PRDM5: variants seen among roughly 807,000 people sequenced by gnomAD.
PRDM5 encodes PR/SET domain 5.
PRDM5 carries 56 observed loss-of-function variants against 81.2 expected under a neutral mutation model. The ratio of observed to expected loss-of-function variants is 0.69; its 90% CI spans 0.56 to 0.86. PRDM5 has a LOEUF of 0.86. Among genes scored for constraint, PRDM5 ranks in the 40% least tolerant of loss-of-function variants. The pLI, the probability that PRDM5 is intolerant of heterozygous loss-of-function variation, is 0.00. For missense variants in PRDM5, 697 were observed against 770.1 expected (o/e 0.91, Z 1.12); for synonymous variants, 267 against 256.4 (o/e 1.04, Z -0.39).
chr4:120,779,933 C>A lies in PRDM5; in HGVS notation c.1443+1210G>T, dbSNP rs35006628. Among the ~76,000 whole-genome samples the A allele has an allele frequency of 3.9e-3, 588 of 149,656 alleles. 3 individuals are homozygous for A. The highest frequency in any genetic ancestry group is 0.014 in the African/African-American group (569 of 41,078). On this transcript the variant is annotated intron_variant, in intron 12 of 15. Coordinates refer to ENST00000264808, the MANE Select transcript of PRDM5 (RefSeq NM_018699.4). ...TCAAACAAACAAACAAACAAACAAA[C>A]AATATATATATATAATATCTCCTGT...
chr4:120,781,206 C>T lies in PRDM5; in HGVS notation c.1380G>A (p.Lys460=). The change falls in exon 12 of 16, where the codon AAG becomes AAA. Residue 460 remains lysine (K), a synonymous_variant. Coordinates refer to ENST00000264808, the MANE Select transcript of PRDM5 (RefSeq NM_018699.4). Reference sequence around the variant, plus strand: ...CCTTATTACATAGCTCACACCTATACTTCTTGTGTCTTTCATGAACCACCT... The same window carrying T: ...CCTTATTACATAGCTCACACCTATATTTCTTGTGTCTTTCATGAACCACCT... ...HVQVVHERHK[K]YRCELCNKAF... is the part of the protein sequence containing the mutation. 6.2e-7 allele frequency: 1 copy of T among 1,613,312 alleles called. No individual in the cohort carries two copies. Among genetic ancestry groups the T allele is most frequent in the South Asian group, 1.1e-5 (1 of 91,078 alleles).
In PRDM5 at chr4:120,691,965, G is replaced by T. The variant is rs1315447214; in HGVS notation, c.*3146C>A. Reference sequence around the variant, plus strand: ...ATAGATTTATAATAAAATAAAAAATGCTATTGGAATTCTATATTTACACAT... The same window carrying T: ...ATAGATTTATAATAAAATAAAAAATTCTATTGGAATTCTATATTTACACAT... On this transcript the variant is annotated 3_prime_UTR_variant, in exon 16 of 16. Coordinates refer to ENST00000264808, the MANE Select transcript of PRDM5 (RefSeq NM_018699.4). 1 of 151,832 alleles carries T rather than the reference G, an allele frequency of 6.6e-6. No individual in the cohort carries two copies. The highest frequency in any genetic ancestry group is 2.4e-5 in the African/African-American group (1 of 41,408). 9.4% of individuals were successfully genotyped at this position (151,832 alleles called of 1,614,324 possible). A position where few individuals can be genotyped will look rare whatever the true frequency, so the allele number is the denominator to read the frequency against.
At position 120,693,584 on chromosome 4, in the gene PRDM5, G is replaced by A. The variant is rs981536466; in HGVS notation, c.*1527C>T. The A allele has an allele frequency of 1.3e-5, 2 of 151,976 alleles. No homozygotes were observed. Among genetic ancestry groups the A allele is most frequent in the African/African-American group, 4.8e-5 (2 of 41,392 alleles). The allele number at this position is 151,976 out of a possible 1,614,324, so 9.4% of individuals were successfully genotyped here. A position where few individuals can be genotyped will look rare whatever the true frequency, so the allele number is the denominator to read the frequency against. ...TTATCTCTTCTGAGTTTCAAATTTA[G>A]TATTTTACAACATTCAAATGTCTAC... On this transcript the variant is annotated 3_prime_UTR_variant, in exon 16 of 16. Transcript: ENST00000264808.
At chr4:120,858,955 G>A (rs2597543) in intron 2 of PRDM5, among the ~76,000 whole-genome samples, 4,059 of 152,186 alleles carry the variant, frequency 0.027, 181 homozygotes, top group African/African-American at 0.093. Flanking sequence ...TGGGTGAGTC[G>A]TTTCCTCTCA....
At chr4:120,853,971 C>T (rs1759581937) in intron 2 of PRDM5, among the ~76,000 whole-genome samples, 1 of 152,184 alleles carries the variant, frequency 6.6e-6, no homozygotes, top group African/African-American at 2.4e-5. Flanking sequence ...CCTCTCTGGA[C>T]CTGCTTACAG....
intron 13 of PRDM5, among the ~76,000 whole-genome samples, chr4:120,772,605 A>G (rs1747457983): frequency 6.6e-6 from 1 of 152,222 alleles, no homozygotes; most frequent in Non-Finnish European, 1.5e-5. Flanking sequence ...TGAGAAATCA[A>G]GACGGAAATG....
intron 2 of PRDM5, among the ~76,000 whole-genome samples, chr4:120,893,278 A>G (rs1315185169): frequency 6.6e-6 from 1 of 152,034 alleles, no homozygotes; most frequent in Non-Finnish European, 1.5e-5. Context: ...CCTGCACTGA[A>G]CCTAGACAGA....
At chr4:120,776,147 T>C (rs1217922798) in intron 13 of PRDM5, among the ~76,000 whole-genome samples, 3 of 152,196 alleles carry the variant, frequency 2.0e-5, no homozygotes, top group Non-Finnish European at 2.9e-5. Context: ...CCTTTTCTTC[T>C]TTAGAGCACC....
At chr4:120,820,764 C>A (rs192509647) in intron 4 of PRDM5, among the ~76,000 whole-genome samples, 10 of 152,348 alleles carry the variant, frequency 6.6e-5, no homozygotes, top group Admixed American at 3.9e-4. Context: ...TCCACTCTCA[C>A]CTTTTCCTAT....
chr4:120,756,555 A>T (rs1046249139), intron 13 of PRDM5, among the ~76,000 whole-genome samples: 9 of 152,222 alleles, frequency 5.9e-5, no homozygotes, highest in African/African-American at 2.2e-4. Context: ...CATCAGCAGC[A>T]ATAGTAGGAG....
intron 13 of PRDM5, among the ~76,000 whole-genome samples, chr4:120,773,781 AG>A (rs1286367266): frequency 6.6e-6 from 1 of 152,228 alleles, no homozygotes; most frequent in Non-Finnish European, 1.5e-5. Flanking sequence ...CATATCTGTG[AG>A]GCCAGATTTT....
intron 13 of PRDM5, among the ~76,000 whole-genome samples, chr4:120,765,482 C>G (rs1013448921): frequency 2.0e-5 from 3 of 152,164 alleles, no homozygotes; most frequent in Admixed American, 1.3e-4. Flanking sequence ...CTCACTGACC[C>G]TAAGAAGCTA....
chr4:120,749,493 G>A (rs534508194), intron 14 of PRDM5, among the ~76,000 whole-genome samples: 110 of 152,280 alleles, frequency 7.2e-4, no homozygotes, highest in African/African-American at 2.6e-3. Flanking sequence ...AGTACTTGAA[G>A]GAACCCATCT....
intron 7 of PRDM5, among the ~76,000 whole-genome samples, chr4:120,814,921 AATT>A (rs1257763734): frequency 6.6e-6 from 1 of 152,222 alleles, no homozygotes; most frequent in Non-Finnish European, 1.5e-5. Flanking sequence ...TCCTTTTATG[AATT>A]ATTTCCTACA....
chr4:120,896,390 A>G (rs532443068), intron 2 of PRDM5: 4 of 152,294 alleles, frequency 2.6e-5, no homozygotes, highest in South Asian at 4.1e-4. Context: ...AATCTATTCT[A>G]TAATATCATT....
At chr4:120,710,563 T>C (rs1427766020) in intron 14 of PRDM5, 150 bp from the exon 15 acceptor site, 2 of 716,702 alleles carry the variant, frequency 2.8e-6, no homozygotes, top group Non-Finnish European at 5.0e-6. Context: ...CACCCAAATT[T>C]CATCTTGAAT....
chr4:120,824,133 C>T (rs1755650852), intron 3 of PRDM5, among the ~76,000 whole-genome samples: 1 of 152,162 alleles, frequency 6.6e-6, no homozygotes, highest in Non-Finnish European at 1.5e-5. Context: ...TAATACATTA[C>T]CCAGTGTCAG....
chr4:120,780,697 G>C (rs961834019), intron 12 of PRDM5, among the ~76,000 whole-genome samples: 2 of 152,040 alleles, frequency 1.3e-5, no homozygotes, highest in African/African-American at 4.8e-5. Context: ...CTATGCTCTA[G>C]AGAGGTAAAG....
chr4:120,732,274 T>C (rs1043674302), intron 14 of PRDM5, among the ~76,000 whole-genome samples: 2 of 152,186 alleles, frequency 1.3e-5, no homozygotes, highest in Non-Finnish European at 2.9e-5. Flanking sequence ...ATATAAGTAC[T>C]TAACTCAGTA....
Sources: gnomAD v4.1 joint callset for allele counts (sites outside exome capture counted in the v4.1 genomes callset) on GRCh38, gnomAD v4.1.1 for gene constraint, MANE v1.5 for transcripts, NCBI Gene and HGNC (gene_info 2026-07-23, HGNC 2026-07-21) for gene names.